The following PARN variants were observed in gnomAD, a reference collection of about 807,000 sequenced individuals.
PARN encodes poly(A)-specific ribonuclease PARN.
In PARN, 71 loss-of-function variants were observed where a neutral mutation model predicts 102.8. The observed-to-expected ratio is 0.69, with a 90% CI of 0.57 to 0.84. The LOEUF (loss-of-function observed/expected upper bound fraction) is 0.84. Ranked by LOEUF, PARN falls within the 40% of genes least tolerant of loss-of-function variation. The probability of loss-of-function intolerance (pLI) is 0.00; values close to 1 mark genes in which losing one functional copy is unlikely to be tolerated. For synonymous variants in PARN, 261 were observed against 252.9 expected (o/e 1.03, Z -0.30); for missense variants, 782 against 760.9 (o/e 1.03, Z -0.33).
At chr16:14,577,505 TG>T (rs1969217698) in intron 18 of PARN, among the ~76,000 whole-genome samples, 2 of 151,272 alleles carry the variant, frequency 1.3e-5, no homozygotes, top group Non-Finnish European at 3.0e-5. Context: ...ACCTAATTTT[TG>T]TATTTTTTGT....
chr16:14,497,022 C>T (rs1392598386), intron 21 of PARN, among the ~76,000 whole-genome samples: 1 of 152,180 alleles, frequency 6.6e-6, no homozygotes, highest in African/African-American at 2.4e-5. Context: ...GTTGACGCCC[C>T]TTCCCCTGCC....
intron 21 of PARN, among the ~76,000 whole-genome samples, chr16:14,496,599 C>T (rs1964329984): frequency 6.6e-6 from 1 of 152,102 alleles, no homozygotes; most frequent in Non-Finnish European, 1.5e-5. Flanking sequence ...ATTGATGTCT[C>T]AACTACACAA....
intron 18 of PARN, among the ~76,000 whole-genome samples, chr16:14,574,906 G>A (rs1969028168): frequency 1.3e-5 from 2 of 152,186 alleles, no homozygotes; most frequent in Admixed American, 1.3e-4. Flanking sequence ...AGGCCCAGGA[G>A]CCCTGCATCC....
intron 6 of PARN, among the ~76,000 whole-genome samples, chr16:14,616,028 G>A (rs953397743): frequency 2.0e-5 from 3 of 151,598 alleles, no homozygotes; most frequent in Non-Finnish European, 4.4e-5. Flanking sequence ...AGTTATTTTT[G>A]TTGGGATAAA....
At chr16:14,489,108 G>C (rs1161258320) in intron 21 of PARN, among the ~76,000 whole-genome samples, 1 of 152,092 alleles carries the variant, frequency 6.6e-6, no homozygotes, top group Admixed American at 6.6e-5. Flanking sequence ...CACACATGGC[G>C]GGGGTGTGTA....
chr16:14,463,482 A>G (rs1006252198), intron 22 of PARN, among the ~76,000 whole-genome samples: 1 of 152,184 alleles, frequency 6.6e-6, no homozygotes, highest in African/African-American at 2.4e-5. Flanking sequence ...AACAGTAATC[A>G]ATGAACTGAA....
At chr16:14,470,906 A>C (rs141768315) in intron 22 of PARN, among the ~76,000 whole-genome samples, 5 of 152,240 alleles carry the variant, frequency 3.3e-5, no homozygotes, top group Admixed American at 6.5e-5. Context: ...CCTCCTGAGT[A>C]GCTAGGTTTA....
intron 11 of PARN, 81 bp from the exon 12 acceptor site, chr16:14,600,041 G>C: frequency 2.6e-6 from 2 of 764,490 alleles, no homozygotes. Context: ...CCAAAAAAAA[G>C]ACACTGAAAT....
At chr16:14,466,811 G>A (rs200602248) in intron 22 of PARN, among the ~76,000 whole-genome samples, 1 of 117,036 alleles carries the variant, frequency 8.5e-6, no homozygotes, top group African/African-American at 3.1e-5. Context: ...AACCCTGTAT[G>A]TTTCTGAAGA....
chr16:14,495,286 AG>A (rs1186811957), intron 21 of PARN, among the ~76,000 whole-genome samples: 1 of 152,058 alleles, frequency 6.6e-6, no homozygotes, highest in Non-Finnish European at 1.5e-5. Flanking sequence ...CACGGGTTTG[AG>A]GCCAGCCTAG....
At chr16:14,468,285 GAA>G (rs1410633181) in intron 22 of PARN, among the ~76,000 whole-genome samples, 1 of 152,220 alleles carries the variant, frequency 6.6e-6, no homozygotes, top group African/African-American at 2.4e-5. Context: ...AAACAAAATA[GAA>G]AAGTGTGTGT....
At chr16:14,599,505 T>TC (rs1011171815) in intron 12 of PARN, among the ~76,000 whole-genome samples, 2 of 152,210 alleles carry the variant, frequency 1.3e-5, no homozygotes, top group Non-Finnish European at 2.9e-5. Context: ...AACAAAGACA[T>TC]CATTATTTTT....
At chr16:14,574,078 A>G (rs1457671202) in intron 18 of PARN, among the ~76,000 whole-genome samples, 3 of 152,032 alleles carry the variant, frequency 2.0e-5, no homozygotes, top group Non-Finnish European at 4.4e-5. Context: ...AAAGTTTGGA[A>G]CTCCCTAGAG....
At chr16:14,516,113 T>TA (rs1965443438) in intron 21 of PARN, among the ~76,000 whole-genome samples, 1 of 150,308 alleles carries the variant, frequency 6.7e-6, no homozygotes, top group East Asian at 2.0e-4. Flanking sequence ...AATACAAGAA[T>TA]AAAAAAACAC....
At position 14,555,683 on chromosome 16, in the gene PARN, A is replaced by AT; in HGVS notation, c.1288dup (p.Ile430AsnfsTer14). On this transcript the variant is annotated frameshift_variant, in exon 19 of 24. Transcript: ENST00000437198. LOFTEE classifies it high-confidence loss of function. ...TGGTCCTTCCAAGTTTAGATAGGGG[A>AT]TATCCATGACCCTCATAAGAAATAA... The AT allele has an allele frequency of 6.7e-7, 1 of 1,492,824 alleles. No individual in the cohort carries two copies. Among genetic ancestry groups the AT allele is most frequent in the Non-Finnish European group, 9.1e-7 (1 of 1,097,070 alleles). The allele number at this position is 1,492,824 out of a possible 1,614,324, so 92.5% of individuals were successfully genotyped here.
chr16:14,451,869 CAAAAAAAAAA>C (rs869041563), intron 22 of PARN, among the ~76,000 whole-genome samples: 45 of 52,498 alleles, frequency 8.6e-4, no homozygotes, highest in South Asian at 8.3e-4. Context: ...AAAAAAAATA[CAAAAAAAAAA>C]AAAAAAAAAA....
chr16:14,496,221 TCTGATGACAACTTTAACCTG>T (rs1279455504), intron 21 of PARN, among the ~76,000 whole-genome samples: 1 of 152,194 alleles, frequency 6.6e-6, no homozygotes, highest in Non-Finnish European at 1.5e-5. Flanking sequence ...GACGCATGCT[TCTGATGACAACTTTAACCTG>T]CCCCTCAAAG....
At chr16:14,561,912 G>A (rs992425475) in intron 18 of PARN, among the ~76,000 whole-genome samples, 1 of 152,278 alleles carries the variant, frequency 6.6e-6, no homozygotes, top group Non-Finnish European at 1.5e-5. Context: ...AGCACTCTGG[G>A]AGGCTGAGGC....
At chr16:14,604,250 C>G in intron 10 of PARN, 24 bp from the exon 11 acceptor site, 3 of 1,422,368 alleles carry the variant, frequency 2.1e-6, no homozygotes, top group South Asian at 1.3e-5. Flanking sequence ...AGCAGATATA[C>G]AATTTTCTTT....
Sources: allele counts gnomAD v4.1 joint callset (sites outside exome capture counted in the v4.1 genomes callset), GRCh38; gene constraint gnomAD v4.1.1; transcripts MANE v1.5; gene names NCBI Gene and HGNC (gene_info 2026-07-23, HGNC 2026-07-21).